The following AHNAK variants were observed in gnomAD, a reference collection of about 807,000 sequenced individuals.
The protein encoded by AHNAK is AHNAK nucleoprotein.
AHNAK carries 23 observed loss-of-function variants against 37.8 expected under a neutral mutation model. The observed-to-expected ratio is 0.61, with a 90% CI of 0.44 to 0.86. The LOEUF (loss-of-function observed/expected upper bound fraction) is 0.86, where lower values mean the gene tolerates loss of function less well. Ranked by LOEUF, AHNAK falls within the 40% of genes least tolerant of loss-of-function variation. The pLI is 0.00. For missense variants in AHNAK, 7,411 were observed against 7,319.4 expected (o/e 1.01, Z -0.46); for synonymous variants, 2,481 against 2,636.3 (o/e 0.94, Z 1.80).
At chr11:62,471,409 A>G (rs1939032945) in intron 5 of AHNAK, among the ~76,000 whole-genome samples, 1 of 152,198 alleles carries the variant, frequency 6.6e-6, no homozygotes, top group African/African-American at 2.4e-5. Context: ...TCCTGACCTC[A>G]GGTGATCCGC....
In AHNAK at chr11:62,533,956, G is replaced by A; in HGVS notation, c.461C>T (p.Thr154Ile). 1 of 1,614,036 alleles carries A rather than the reference G, an allele frequency of 6.2e-7. No homozygotes were observed. Among genetic ancestry groups the A allele is most frequent in the Non-Finnish European group, 8.5e-7 (1 of 1,179,964 alleles). Residue 154 changes from threonine (T) to isoleucine (I), a missense_variant, in exon 5 of 5, where the codon ACC (threonine) becomes ATC (isoleucine). Physicochemically the swap from Thr to Ile is moderately conservative, Grantham distance 89. Transcript: ENST00000378024. ...CACAGTGTAGGCCGTGACCCTTCTGGTCACTGTGATGGTACGGCTCTGGGT... is the reference window on the plus strand; with the variant it reads ...CACAGTGTAGGCCGTGACCCTTCTGATCACTGTGATGGTACGGCTCTGGGT... ...GETQSRTITVTRRVTAYTVDV... is the reference protein window; with the variant it reads ...GETQSRTITVIRRVTAYTVDV...
chr11:62,455,685 A>G (rs1331844715), intron 5 of AHNAK, among the ~76,000 whole-genome samples: 1 of 151,790 alleles, frequency 6.6e-6, no homozygotes, highest in Non-Finnish European at 1.5e-5. Context: ...AACCTGGGCA[A>G]CAAGAGCGAA....
intron 5 of AHNAK, among the ~76,000 whole-genome samples, chr11:62,464,097 T>A (rs546544863): frequency 6.7e-6 from 1 of 150,360 alleles, no homozygotes; most frequent in South Asian, 2.1e-4. Flanking sequence ...TCTTCCTGTG[T>A]CATCATTGCA....
intron 5 of AHNAK, among the ~76,000 whole-genome samples, chr11:62,460,597 C>A (rs1938762026): frequency 6.6e-6 from 1 of 152,034 alleles, no homozygotes. Context: ...GATATCTTTA[C>A]AAAAATGATT....
intron 5 of AHNAK, among the ~76,000 whole-genome samples, chr11:62,452,750 G>A (rs967178702): frequency 6.6e-6 from 1 of 152,068 alleles, no homozygotes; most frequent in Non-Finnish European, 1.5e-5. Context: ...GGCCGGGCGC[G>A]GTGGCTTACC....
chr11:62,524,356 A>G lies in AHNAK; in HGVS notation c.10061T>C (p.Leu3354Pro). The change falls in exon 5 of 5, where the codon CTT becomes CCT. Residue 3354 changes from leucine to proline, a missense_variant. Leu to Pro is a moderately conservative substitution (Grantham distance 98). Coordinates refer to ENST00000378024, the MANE Select transcript of AHNAK (RefSeq NM_001620.3). ...EGKSKKSRFKLPKFNFSGSKV... is the reference protein window; with the variant it reads ...EGKSKKSRFKPPKFNFSGSKV... ...AGAGCCCGAAAAATTAAATTTGGGA[A>G]GCTTAAAACGAGATTTCTTTGACTT... 1 of 1,613,250 alleles carries G rather than the reference A, an allele frequency of 6.2e-7. No individual in the cohort carries two copies.
At chr11:62,500,533 G>A (rs1939693692) in intron 4 of AHNAK, among the ~76,000 whole-genome samples, 1 of 152,186 alleles carries the variant, frequency 6.6e-6, no homozygotes, top group African/African-American at 2.4e-5. Flanking sequence ...CTGTCCCTCA[G>A]AGAGCCCGAT....
At chr11:62,473,903 G>A (rs1939091209) in intron 5 of AHNAK, among the ~76,000 whole-genome samples, 1 of 151,714 alleles carries the variant, frequency 6.6e-6, no homozygotes, top group South Asian at 2.1e-4. Context: ...GGGAGGCTAA[G>A]GTAGGAGGAT....
At chr11:62,543,915 G>A (rs1941213619) in intron 1 of AHNAK, among the ~76,000 whole-genome samples, 1 of 152,174 alleles carries the variant, frequency 6.6e-6, no homozygotes, top group Admixed American at 6.5e-5. Context: ...CGGGAATGGT[G>A]GGGGAGAGAG....
intron 5 of AHNAK, among the ~76,000 whole-genome samples, chr11:62,436,770 AC>A (rs1938180726): frequency 1.3e-5 from 2 of 151,954 alleles, no homozygotes; most frequent in African/African-American, 4.8e-5. Flanking sequence ...CCCAGTCTCT[AC>A]CAAAAATACA....
chr11:62,545,018 C>G (rs1941261665), intron 1 of AHNAK, among the ~76,000 whole-genome samples: 1 of 152,192 alleles, frequency 6.6e-6, no homozygotes, highest in African/African-American at 2.4e-5. Flanking sequence ...ATTTACTGAG[C>G]GCCCAGCGCT....
At chr11:62,538,453 G>A (rs969495196) in intron 1 of AHNAK, among the ~76,000 whole-genome samples, 5 of 152,218 alleles carry the variant, frequency 3.3e-5, no homozygotes, top group African/African-American at 7.2e-5. Context: ...ACAAAATGGC[G>A]GCAGCAGCCA....
rs2134232580 is a variant in AHNAK at position 62,529,470 on chromosome 11, C to T, written c.4947G>A (p.Lys1649=). 17 of 1,614,104 alleles carry T rather than the reference C, an allele frequency of 1.1e-5. No individual in the cohort carries two copies. Among genetic ancestry groups the T allele is most frequent in the Non-Finnish European group, 1.4e-5 (17 of 1,180,020 alleles). ...PKFKMPEMHF[K]APKISMPDVD... Reference sequence around the variant, plus strand: ...CATCGGGCATGGAGATCTTGGGGGCCTTGAAATGCATCTCAGGCATCTTAA... The same window carrying T: ...CATCGGGCATGGAGATCTTGGGGGCTTTGAAATGCATCTCAGGCATCTTAA... Residue 1649 remains lysine, a synonymous_variant, in exon 5 of 5, where the codon AAG becomes AAA. Coordinates refer to ENST00000378024, the MANE Select transcript of AHNAK (RefSeq NM_001620.3).
rs779221800 is a variant in AHNAK at position 62,523,181 on chromosome 11, A to G, written c.11236T>C (p.Ser3746Pro). 35 of 1,612,756 alleles carry G rather than the reference A, an allele frequency of 2.2e-5. No homozygotes were observed. Among genetic ancestry groups the G allele is most frequent in the Non-Finnish European group, 3.4e-6 (4 of 1,179,772 alleles). Residue 3746 changes from serine (S) to proline (P), a missense_variant, in exon 5 of 5, where the codon TCG becomes CCG. Ser to Pro is a moderately conservative substitution (Grantham distance 74). Coordinates refer to ENST00000378024, the MANE Select transcript of AHNAK (RefSeq NM_001620.3). ...PEMHLKAPKI[S>P]MPDIDLNLKG... Reference sequence around the variant, plus strand: ...AGGTTTAAATCAATGTCAGGCATCGATATTTTGGGAGCCTTCAGGTGCATC... The same window carrying G: ...AGGTTTAAATCAATGTCAGGCATCGGTATTTTGGGAGCCTTCAGGTGCATC...
intron 5 of AHNAK, among the ~76,000 whole-genome samples, chr11:62,486,041 A>G (rs1939386533): frequency 6.7e-6 from 1 of 148,748 alleles, no homozygotes; most frequent in South Asian, 2.1e-4. Context: ...AAAAAAAAAG[A>G]GAGAGAGAGA....
chr11:62,530,832 G>C lies in AHNAK; in HGVS notation c.3585C>G (p.Ile1195Met), dbSNP rs367564592. Residue 1195 changes from isoleucine to methionine, a missense_variant, in exon 5 of 5, where the codon ATC becomes ATG. Physicochemically the swap from Ile to Met is conservative, Grantham distance 10. Transcript: ENST00000378024. ...MPEMHFKTPK[I>M]SMPDVDLHLK... ...AGTGTAAGTCCACATCAGGCATGGA[G>C]ATCTTGGGGGTCTTGAAATGCATCT... The C allele has an allele frequency of 3.4e-5, 55 of 1,613,830 alleles. No homozygotes were observed. The highest frequency in any genetic ancestry group is 4.3e-5 in the Non-Finnish European group (51 of 1,180,014).
intron 5 of AHNAK, among the ~76,000 whole-genome samples, chr11:62,440,257 G>A (rs1488762865): frequency 2.0e-5 from 3 of 152,068 alleles, no homozygotes; most frequent in East Asian, 1.9e-4. Context: ...CTCATTTTAC[G>A]ATGAGGAAAC....
downstream of AHNAK, among the ~76,000 whole-genome samples, chr11:62,515,175 T>A (rs943374193): frequency 2.0e-5 from 3 of 152,092 alleles, no homozygotes; most frequent in Admixed American, 6.5e-5. Context: ...TTTTCCATAA[T>A]GTTTAGCCCT....
Position 62,518,446 on chromosome 11 carries a change from A to G in AHNAK, c.15971T>C (p.Val5324Ala). 1 of 1,613,906 alleles carries G rather than the reference A, an allele frequency of 6.2e-7. No homozygotes were observed. Among genetic ancestry groups the G allele is most frequent in the East Asian group, 2.2e-5 (1 of 44,854 alleles). Residue 5324 changes from valine to alanine, a missense_variant, in exon 5 of 5, where the codon GTG (valine) becomes GCG (alanine). Coordinates refer to ENST00000378024, the MANE Select transcript of AHNAK (RefSeq NM_001620.3). Reference protein sequence around the residue: ...DLDASVPSMKVHAPGLNLSGV... With the variant: ...DLDASVPSMKAHAPGLNLSGV... ...ACTGAGGTTGAGCCCTGGAGCATGC[A>G]CCTTCATGCTGGGAACAGATGCATC...
Sources: allele counts gnomAD v4.1 joint callset (sites outside exome capture counted in the v4.1 genomes callset), GRCh38; gene constraint gnomAD v4.1.1; transcripts MANE v1.5; gene names NCBI Gene and HGNC (gene_info 2026-07-23, HGNC 2026-07-21).